The following CHD8 variants were observed in gnomAD, a reference collection of about 807,000 sequenced individuals.
CHD8 encodes the protein chromodomain helicase DNA binding protein 8, also known as ATP-dependent chromatin remodeler CHD8.
A neutral mutation model predicts 279.2 loss-of-function variants in CHD8; 31 were observed. That is an observed-to-expected ratio of 0.11 (90% CI 0.08 to 0.15). The LOEUF (loss-of-function observed/expected upper bound fraction) is 0.15. CHD8 is among the 10% of genes least tolerant of loss of function. CHD8 has a pLI of 1.00. For synonymous variants in CHD8, 1,081 were observed against 1,139.6 expected (o/e 0.95, Z 1.04); for missense variants, 2,146 against 3,230.5 (o/e 0.66, Z 8.14).
At position 21,449,099 on chromosome 14, in the gene CHD8, G is replaced by A. The variant is rs1302267782; in HGVS notation, c.-216+6933C>T. 2.0e-5 allele frequency among the ~76,000 whole-genome samples: 3 copies of A among 151,976 alleles called. No individual in the cohort carries two copies. In the South Asian group the frequency reaches 6.2e-4, roughly 32 times the overall value. On this transcript the variant is annotated intron_variant, in intron 1 of 37. Transcript: ENST00000646647. The stretch of plus-strand genomic sequence containing the variant: ...TGAGGCAGGAGAATGGCGGGAACCC[G>A]GGAGGCGGAGCTTGCAGTGAGCCAA...
chr14:21,402,307 A>C lies in CHD8; in HGVS notation c.3882+29T>G, dbSNP rs748782197. On this transcript the variant is annotated intron_variant, in intron 19 of 37. Coordinates refer to ENST00000646647, the MANE Select transcript of CHD8 (RefSeq NM_001170629.2). The surrounding 1 kb of genome is among the most constrained non-coding windows in gnomAD (Gnocchi z 4.5). ...TCCCTCTATCACAATGATCTACTAC[A>C]AACTTATCTATAAACTAAGAGGACT... 4 of 1,612,558 alleles carry C rather than the reference A, an allele frequency of 2.5e-6. No homozygotes were observed. The highest frequency in any genetic ancestry group is 1.3e-5 in the African/African-American group (1 of 75,034).
At chr14:21,427,811 G>T in intron 4 of CHD8, 58 bp downstream of exon 4, 1 of 1,574,896 alleles carries the variant, frequency 6.3e-7, no homozygotes, top group East Asian at 2.2e-5. Flanking sequence ...CCAATAGCAA[G>T]GAGTACTCAC....
At chr14:21,440,714 A>G (rs1889936110) in intron 1 of CHD8, among the ~76,000 whole-genome samples, 1 of 152,170 alleles carries the variant, frequency 6.6e-6, no homozygotes, top group Non-Finnish European at 1.5e-5. Context: ...GGAACTGGAT[A>G]GAGATGAAGC....
chr14:21,400,399 GA>G lies in CHD8; in HGVS notation c.4570+13del. The G allele has an allele frequency of 6.3e-7, 1 of 1,599,112 alleles. No individual in the cohort carries two copies. The highest frequency in any genetic ancestry group is 1.1e-5 in the South Asian group (1 of 88,294). Reference sequence around the variant, plus strand: ...AACCTATAGAAAAACATAAAGTAAAGAGTTGATAATTACCTGAATGATTCTG... The same window carrying G: ...AACCTATAGAAAAACATAAAGTAAAGGTTGATAATTACCTGAATGATTCTG... On this transcript the variant is annotated intron_variant, in intron 23 of 37. Transcript: ENST00000646647. The surrounding 1 kb of genome is among the most constrained non-coding windows in gnomAD (Gnocchi z 4.2).
intron 1 of CHD8, among the ~76,000 whole-genome samples, chr14:21,450,164 T>C (rs1216225396): frequency 6.6e-6 from 1 of 152,144 alleles, no homozygotes; most frequent in Non-Finnish European, 1.5e-5. Context: ...AATTCAGAAA[T>C]CCAGAAACAT....
rs752136376 is a variant in CHD8, at chr14:21,394,969, C to T, written c.5333G>A (p.Arg1778Gln). 10 of 1,613,894 alleles carry T rather than the reference C, an allele frequency of 6.2e-6. No individual in the cohort carries two copies. Among genetic ancestry groups the T allele is most frequent in the African/African-American group, 5.3e-5 (4 of 74,918 alleles). ...CAGCTTGAAGGCTGCTTCACAACGC[C>T]GCCTTCGCCGGTCCCCACGTTCTGC... ...EAAERGDRRR[R>Q]RCEAAFKLKE... The change falls in exon 30 of 38, where the codon CGG becomes CAG. Residue 1778 changes from arginine (R) to glutamine (Q), a missense_variant. This residue lies in a region of CHD8 where 513 missense variants were observed against 637.6 expected (regional missense o/e 0.80). Transcript: ENST00000646647.
At chr14:21,454,906 T>C (rs1198735390) in intron 1 of CHD8, 1 of 152,134 alleles carries the variant, frequency 6.6e-6, no homozygotes, top group Non-Finnish European at 1.5e-5. Context: ...GAAGACACGA[T>C]CTAATTAACT....
chr14:21,429,380 G>T, intron 2 of CHD8, 45 bp from the exon 3 acceptor site: 1 of 1,586,328 alleles, frequency 6.3e-7, no homozygotes, highest in South Asian at 1.1e-5. Flanking sequence ...ATTAAAGAAT[G>T]GTATACTCTG....
chr14:21,399,052 T>A, intron 26 of CHD8: 1 of 384,106 alleles, frequency 2.6e-6, no homozygotes, highest in Non-Finnish European at 5.2e-6. Context: ...CAGCAGCATC[T>A]GATATTTGTG....
rs2139427138 is a variant in CHD8, at chr14:21,385,400, A to G, written c.*213T>C. On this transcript the variant is annotated 3_prime_UTR_variant, in exon 38 of 38. Transcript: ENST00000646647. ...TCCTTTCCTTCCCCAGAAATGAGGA[A>G]GTGGTCATGTATTATTTTAGGAGTT... 2.9e-6 allele frequency: 2 copies of G among 697,116 alleles called. No homozygotes were observed. The highest frequency in any genetic ancestry group is 4.5e-5 in the South Asian group (2 of 44,270). 43.2% of individuals were successfully genotyped at this position (697,116 alleles called of 1,614,324 possible).
intron 5 of CHD8, chr14:21,425,760 C>T (rs186970841): frequency 1.5e-3 from 260 of 173,216 alleles, no homozygotes; most frequent in African/African-American, 5.8e-3. Context: ...GTGGTGAAAC[C>T]TGGTCTTTAC....
In CHD8 at chr14:21,386,469, C is replaced by T. The variant is rs915648031; in HGVS notation, c.7183-293G>A. On this transcript the variant is annotated intron_variant, in intron 37 of 37. Coordinates refer to ENST00000646647, the MANE Select transcript of CHD8 (RefSeq NM_001170629.2). Reference sequence around the variant, plus strand: ...GACTATATTGTATCTTTACTTTAGTCAACCATTTCACAAATGCTTACCTTT... The same window carrying T: ...GACTATATTGTATCTTTACTTTAGTTAACCATTTCACAAATGCTTACCTTT... 1.2e-5 allele frequency: 5 copies of T among 418,928 alleles called. No individual in the cohort carries two copies. In the South Asian group the frequency reaches 1.7e-4, roughly 14 times the overall value. The allele number at this position is 418,928 out of a possible 1,614,324, so 26.0% of individuals were successfully genotyped here. A position where few individuals can be genotyped will look rare whatever the true frequency, so the allele number is the denominator to read the frequency against.
intron 8 of CHD8, 40 bp from the exon 9 acceptor site, chr14:21,414,458 AG>A (rs745719795): frequency 9.3e-7 from 1 of 1,080,472 alleles, no homozygotes; most frequent in Non-Finnish European, 1.4e-6. Context: ...TGCAAGTAAA[AG>A]AAGGTGGCAG....
At chr14:21,443,855 C>CAAAAAA (rs369671712) in intron 1 of CHD8, among the ~76,000 whole-genome samples, 18 of 47,006 alleles carry the variant, frequency 3.8e-4, no homozygotes, top group East Asian at 6.5e-4. Context: ...GACTCCGTCT[C>CAAAAAA]AAAAAAAAAA....
chr14:21,394,075 T>C lies in CHD8; in HGVS notation c.5720A>G (p.Glu1907Gly), dbSNP rs370737241. 3.5e-5 allele frequency: 57 copies of C among 1,613,726 alleles called. No homozygotes were observed. Among genetic ancestry groups the C allele is most frequent in the Non-Finnish European group, 4.8e-5 (57 of 1,179,864 alleles). Residue 1907 changes from glutamate to glycine, a missense_variant, in exon 32 of 38, where the codon GAA (glutamate) becomes GGA (glycine). Transcript: ENST00000646647. ...AGGCTGACACAATGCCAGCCGATCT[T>C]CCAAAAGGGGGTGGCATAAAACTTG... is the stretch of plus-strand genomic sequence containing the variant. ...REQVLCHPLL[E>G]DRLALCQPPG...
chr14:21,436,761 A>G (rs1889794597), intron 1 of CHD8: 2 of 366,808 alleles, frequency 5.5e-6, no homozygotes, highest in Non-Finnish European at 1.1e-5. Context: ...AGCTAAAGAC[A>G]TGTATTTTCA....
chr14:21,393,031 G>A, intron 33 of CHD8, 75 bp downstream of exon 33: 1 of 1,468,824 alleles, frequency 6.8e-7, no homozygotes, highest in Non-Finnish European at 9.2e-7. Flanking sequence ...AGAACCATAT[G>A]TTCCTTTTTC....
Position 21,398,118 on chromosome 14 carries a change from T to C in CHD8, c.4922-166A>G. The stretch of plus-strand genomic sequence containing the variant: ...ACTGGGTTTATTACTATATTTAACA[T>C]TTTTATAGCAATTTAGAATCATGAA... On this transcript the variant is annotated intron_variant, in intron 26 of 37. Coordinates refer to ENST00000646647, the MANE Select transcript of CHD8 (RefSeq NM_001170629.2). 4 of 537,844 alleles carry C rather than the reference T, an allele frequency of 7.4e-6. No homozygotes were observed. The South Asian group carries it at 1.6e-4, about 21-fold the overall frequency. 33.3% of individuals were successfully genotyped at this position (537,844 alleles called of 1,614,324 possible). A position where few individuals can be genotyped will look rare whatever the true frequency, so the allele number is the denominator to read the frequency against.
rs559569308 is a variant in CHD8 at position 21,406,591 on chromosome 14, A to G, written c.2907+265T>C. 3.9e-3 allele frequency among the ~76,000 whole-genome samples: 600 copies of G among 152,316 alleles called. 7 individuals carry two copies. The highest frequency in any genetic ancestry group is 0.013 in the African/African-American group (548 of 41,570). On this transcript the variant is annotated intron_variant, in intron 14 of 37. Coordinates refer to ENST00000646647, the MANE Select transcript of CHD8 (RefSeq NM_001170629.2). ...ATGAAAAATATAGTTGTTGTAGGACATTAAGTTTTGGAGTATTTTGTTATG... is the reference window on the plus strand; with the variant it reads ...ATGAAAAATATAGTTGTTGTAGGACGTTAAGTTTTGGAGTATTTTGTTATG...
Sources: gnomAD v4.1 joint callset for allele counts (sites outside exome capture counted in the v4.1 genomes callset) on GRCh38, gnomAD v4.1.1 for gene constraint, gnomAD v4.1.1 regional missense constraint, Gnocchi (gnomAD v3.1) non-coding constraint, MANE v1.5 for transcripts, NCBI Gene and HGNC (gene_info 2026-07-23, HGNC 2026-07-21) for gene names.